Variants in FRAS1 observed in about 807,000 individuals in gnomAD.
FRAS1 encodes extracellular matrix organizing protein FRAS1.
In FRAS1, 290 loss-of-function variants were observed where a neutral mutation model predicts 435.2. That is an observed-to-expected ratio of 0.67 (90% CI 0.61 to 0.73). The LOEUF is 0.73. Among genes scored for constraint, FRAS1 ranks in the 30% least tolerant of loss-of-function variants. The pLI is 0.00. For missense variants in FRAS1, 4,860 were observed against 5,001.5 expected (o/e 0.97, Z 0.85); for synonymous variants, 1,800 against 1,851.0 (o/e 0.97, Z 0.71).
At chr4:78,115,576 G>T (rs1009730861) in intron 2 of FRAS1, among the ~76,000 whole-genome samples, 8 of 152,148 alleles carry the variant, frequency 5.3e-5, no homozygotes, top group Admixed American at 2.6e-4. Context: ...ATGTGTCCAG[G>T]AATTTATCCA....
intron 54 of FRAS1, 53 bp downstream of exon 54, chr4:78,475,659 T>C: frequency 6.8e-7 from 1 of 1,460,816 alleles, no homozygotes; most frequent in Non-Finnish European, 9.1e-7. Flanking sequence ...GTGACATGGC[T>C]GCAAGCAATT....
At chr4:78,326,833 G>GA (rs1427686118) in intron 18 of FRAS1, among the ~76,000 whole-genome samples, 4 of 152,128 alleles carry the variant, frequency 2.6e-5, no homozygotes, top group African/African-American at 9.7e-5. Context: ...AGATAAGTAT[G>GA]ATGCCAATGC....
intron 2 of FRAS1, among the ~76,000 whole-genome samples, chr4:78,141,077 G>T (rs1360915345): frequency 6.6e-6 from 1 of 151,886 alleles, no homozygotes; most frequent in Non-Finnish European, 1.5e-5. Flanking sequence ...TTAAATTCTG[G>T]GGTACATGTG....
chr4:78,082,606 G>A (rs1740946197), intron 2 of FRAS1, among the ~76,000 whole-genome samples: 1 of 151,930 alleles, frequency 6.6e-6, no homozygotes, highest in East Asian at 1.9e-4. Context: ...TATTGCTACA[G>A]GAGACAGGAT....
At chr4:78,440,599 A>G (rs1206546997) in intron 40 of FRAS1, among the ~76,000 whole-genome samples, 1 of 152,214 alleles carries the variant, frequency 6.6e-6, no homozygotes, top group Non-Finnish European at 1.5e-5. Context: ...TAGTTTGAGC[A>G]ACTGCTTTTA....
chr4:78,458,386 C>T (rs1360604093), intron 47 of FRAS1, among the ~76,000 whole-genome samples: 1 of 152,168 alleles, frequency 6.6e-6, no homozygotes, highest in Non-Finnish European at 1.5e-5. Flanking sequence ...TATTTTTATT[C>T]ACCAGATATA....
chr4:78,483,147 G>A (rs942744602), intron 58 of FRAS1, among the ~76,000 whole-genome samples: 1 of 152,224 alleles, frequency 6.6e-6, no homozygotes, highest in Non-Finnish European at 1.5e-5. Flanking sequence ...AGTTCTGAGA[G>A]GCATTGTGAT....
Position 78,379,938 on chromosome 4 carries a change from A to G in FRAS1, c.3505A>G (p.Ser1169Gly), listed in dbSNP as rs766022474. 7 of 1,613,918 alleles carry G rather than the reference A, an allele frequency of 4.3e-6. No individual in the cohort carries two copies. The highest frequency in any genetic ancestry group is 3.3e-5 in the Admixed American group (2 of 60,012). The part of the protein sequence containing the change: ...EVQLDKAGRF[S>G]WKDVNEKKVR... ...TCAGCTGGACAAGGCTGGCCGTTTT[A>G]GCTGGAAAGATGTGAACGAGAAGAA... The change falls in exon 27 of 74, where the codon AGC becomes GGC. Residue 1169 changes from serine (S) to glycine (G), a missense_variant. By Grantham distance (56) the Ser-to-Gly change is moderately conservative. Transcript: ENST00000512123.
chr4:78,230,593 G>T (rs931415354), intron 2 of FRAS1, among the ~76,000 whole-genome samples: 1 of 152,194 alleles, frequency 6.6e-6, no homozygotes, highest in East Asian at 1.9e-4. Flanking sequence ...TTCTGTGTCC[G>T]AATGGGAGCT....
In FRAS1 at chr4:78,095,433, G is replaced by A. The variant is rs569229223; in HGVS notation, c.108+29417G>A. ...CTCACTATTATGTTATCTTGGTTCT[G>A]GTCACGGGAGCAGAGGATTATTCTG... On this transcript the variant is annotated intron_variant, in intron 2 of 73. Transcript: ENST00000512123. 7.9e-5 allele frequency among the ~76,000 whole-genome samples: 12 copies of A among 152,286 alleles called. No individual in the cohort carries two copies. In the South Asian group the frequency reaches 1.7e-3, roughly 21 times the overall value.
intron 38 of FRAS1, among the ~76,000 whole-genome samples, chr4:78,433,924 G>C (rs183454336): frequency 1.2e-4 from 18 of 152,270 alleles, no homozygotes. Context: ...GAAATTGATT[G>C]AATGTGAATT....
chr4:78,414,036 A>G (rs1392247296), intron 32 of FRAS1, among the ~76,000 whole-genome samples: 4 of 152,238 alleles, frequency 2.6e-5, no homozygotes, highest in Admixed American at 2.6e-4. Context: ...GCCTTGAGCC[A>G]CAACAAAGAG....
intron 2 of FRAS1, among the ~76,000 whole-genome samples, chr4:78,123,953 T>C (rs1719182418): frequency 1.3e-5 from 2 of 152,222 alleles, no homozygotes; most frequent in South Asian, 4.1e-4. Flanking sequence ...CTCTTCCTAA[T>C]TGAATACCTT....
chr4:78,334,532 A>C (rs1052825941), intron 19 of FRAS1, among the ~76,000 whole-genome samples: 1 of 151,290 alleles, frequency 6.6e-6, no homozygotes, highest in East Asian at 1.9e-4. Context: ...CACCACACCC[A>C]GCTAACTCCT....
intron 2 of FRAS1, among the ~76,000 whole-genome samples, chr4:78,119,638 C>T (rs1718898166): frequency 6.6e-6 from 1 of 152,044 alleles, no homozygotes; most frequent in Non-Finnish European, 1.5e-5. Flanking sequence ...GTGAATAGTG[C>T]TGCAAAAAAC....
At position 78,267,404 on chromosome 4, in the gene FRAS1, G is replaced by A; in HGVS notation, c.953G>A (p.Gly318Glu). 1 of 1,613,894 alleles carries A rather than the reference G, an allele frequency of 6.2e-7. No individual in the cohort carries two copies. Among genetic ancestry groups the A allele is most frequent in the Non-Finnish European group, 8.5e-7 (1 of 1,179,848 alleles). ...CDHGQVTCQT[G>E]ECAKVECARD... ...CATGGCCAAGTGACCTGCCAGACTG[G>A]AGAGTGTGCCAAAGTGGAGTGTGCC... Residue 318 changes from glycine to glutamate, a missense_variant, in exon 9 of 74, where the codon GGA becomes GAA. Transcript: ENST00000512123.
At chr4:78,374,613 A>G (rs1049305623) in intron 25 of FRAS1, among the ~76,000 whole-genome samples, 18 of 152,344 alleles carry the variant, frequency 1.2e-4, no homozygotes, top group South Asian at 4.1e-4. Context: ...CTAAATGCCC[A>G]TGATTCTGAC....
chr4:78,363,629 C>T lies in FRAS1; in HGVS notation c.2539C>T (p.Pro847Ser). ...CGGGGACCACTGTGTTCCTGACTGC[C>T]CTTCAGGATACTATGCAGAGAGAGG... ...LLGDHCVPDC[P>S]SGYYAERGAC... The change falls in exon 21 of 74, where the codon CCT becomes TCT. Residue 847 changes from proline (P) to serine (S), a missense_variant. Pro to Ser is a moderately conservative substitution (Grantham distance 74). Transcript: ENST00000512123. 4 of 1,602,448 alleles carry T rather than the reference C, an allele frequency of 2.5e-6. No homozygotes were observed. The highest frequency in any genetic ancestry group is 3.4e-6 in the Non-Finnish European group (4 of 1,174,630).
intron 32 of FRAS1, among the ~76,000 whole-genome samples, chr4:78,414,729 C>T (rs1344548979): frequency 6.6e-6 from 1 of 152,200 alleles, no homozygotes; most frequent in African/African-American, 2.4e-5. Flanking sequence ...TCCATTCATT[C>T]AGTCTCTCAT....
Sources: allele counts gnomAD v4.1 joint callset (sites outside exome capture counted in the v4.1 genomes callset), GRCh38; gene constraint gnomAD v4.1.1; transcripts MANE v1.5; gene names NCBI Gene and HGNC (gene_info 2026-07-23, HGNC 2026-07-21).